CCDC148: variants seen among roughly 807,000 people sequenced by gnomAD.
The protein encoded by CCDC148 is coiled-coil domain-containing protein 148.
In CCDC148, 89 loss-of-function variants were observed where a neutral mutation model predicts 85.7. That is an observed-to-expected ratio of 1.04 (90% CI 0.87 to 1.24). The LOEUF (loss-of-function observed/expected upper bound fraction) is 1.24. Among genes scored for constraint, CCDC148 ranks in the 50% most tolerant of loss-of-function variants. CCDC148 has a pLI of 0.00. For synonymous variants in CCDC148, 230 were observed against 213.9 expected, an observed-to-expected ratio of 1.08 and a Z score of -0.66; for missense variants, 692 against 671.7, an observed-to-expected ratio of 1.03 and a Z score of -0.33.
At chr2:158,201,481 C>G (rs976728281) in intron 11 of CCDC148, among the ~76,000 whole-genome samples, 1 of 151,976 alleles carries the variant, frequency 6.6e-6, no homozygotes, top group Non-Finnish European at 1.5e-5. Flanking sequence ...ATGATCTTGG[C>G]TCACTGCAAC....
chr2:158,363,234 T>C (rs1684046944), intron 1 of CCDC148, among the ~76,000 whole-genome samples: 1 of 152,032 alleles, frequency 6.6e-6, no homozygotes. Context: ...CTATCAGAGG[T>C]ACAAAGAGAT....
chr2:158,198,256 C>T (rs1004520515), intron 11 of CCDC148, among the ~76,000 whole-genome samples: 5 of 152,156 alleles, frequency 3.3e-5, no homozygotes, highest in Non-Finnish European at 2.9e-5. Context: ...TTCCCTTCCC[C>T]AGGATATCTG....
At chr2:158,379,213 G>A (rs1220301612) in intron 1 of CCDC148, among the ~76,000 whole-genome samples, 1 of 152,008 alleles carries the variant, frequency 6.6e-6, no homozygotes, top group Non-Finnish European at 1.5e-5. Flanking sequence ...TAACTTTGAG[G>A]GGTTCAACAA....
chr2:158,245,431 A>C (rs1306147134), intron 10 of CCDC148, among the ~76,000 whole-genome samples: 2 of 152,198 alleles, frequency 1.3e-5, no homozygotes, highest in African/African-American at 4.8e-5. Flanking sequence ...GTATCCTGAT[A>C]TCCTTGAAAA....
At chr2:158,446,569 G>A (rs1478432482) in intron 1 of CCDC148, among the ~76,000 whole-genome samples, 1 of 151,910 alleles carries the variant, frequency 6.6e-6, no homozygotes, top group Non-Finnish European at 1.5e-5. Flanking sequence ...TCATATAAGG[G>A]AGTTTTAAGA....
intron 9 of CCDC148, among the ~76,000 whole-genome samples, chr2:158,275,169 C>T (rs533645427): frequency 3.3e-5 from 5 of 152,310 alleles, no homozygotes; most frequent in Middle Eastern, 6.8e-3. Context: ...GAAATGCCAT[C>T]GCTAAGAATC....
At chr2:158,325,088 G>GAA (rs58238350) in intron 7 of CCDC148, among the ~76,000 whole-genome samples, 246 of 143,096 alleles carry the variant, frequency 1.7e-3, no homozygotes, top group South Asian at 2.4e-3. Flanking sequence ...TCTCCTATTT[G>GAA]AAAAAAAAAA....
rs1208226461 is a variant in CCDC148 at position 158,355,293 on chromosome 2, C to T, written c.147+3156G>A. Among the ~76,000 whole-genome samples, 5 of 152,006 alleles carry T rather than the reference C, an allele frequency of 3.3e-5. No individual in the cohort carries two copies. The South Asian group carries it at 6.2e-4, about 19-fold the overall frequency. On this transcript the variant is annotated intron_variant, in intron 2 of 13. Coordinates refer to ENST00000283233, the MANE Select transcript of CCDC148 (RefSeq NM_138803.4). ...AGGAAAAGAGGAAGTCAAATTGTCC[C>T]TGTTTGCAGACGACATGATTGTTTA...
intron 11 of CCDC148, among the ~76,000 whole-genome samples, chr2:158,210,443 A>C (rs1686502554): frequency 6.6e-6 from 1 of 152,162 alleles, no homozygotes; most frequent in African/African-American, 2.4e-5. Flanking sequence ...ACTTGAACTC[A>C]GCTCTGGATC....
chr2:158,211,996 T>C (rs1686604460), intron 11 of CCDC148, among the ~76,000 whole-genome samples: 1 of 152,248 alleles, frequency 6.6e-6, no homozygotes, highest in Admixed American at 6.5e-5. Flanking sequence ...ATTTGTTTTG[T>C]TATACTGAGA....
chr2:158,454,702 T>G (rs975427552), intron 1 of CCDC148, among the ~76,000 whole-genome samples: 1 of 152,244 alleles, frequency 6.6e-6, no homozygotes, highest in Admixed American at 6.5e-5. Context: ...GGAAAGGAAC[T>G]GAGAATCAGT....
At chr2:158,208,620 A>G (rs1310238854) in intron 11 of CCDC148, among the ~76,000 whole-genome samples, 1 of 152,150 alleles carries the variant, frequency 6.6e-6, no homozygotes, top group Non-Finnish European at 1.5e-5. Context: ...ACAGGGGAGG[A>G]GGCACGCCAT....
chr2:158,315,718 C>A (rs1692248368), intron 7 of CCDC148, among the ~76,000 whole-genome samples: 1 of 151,996 alleles, frequency 6.6e-6, no homozygotes, highest in East Asian at 1.9e-4. Flanking sequence ...TCACAGATGC[C>A]CCTTCCTTCT....
rs187623928 is a variant in CCDC148 at position 158,210,995 on chromosome 2, T to C, written c.1370+9600A>G. On this transcript the variant is annotated intron_variant, in intron 11 of 13. Coordinates refer to ENST00000283233, the MANE Select transcript of CCDC148 (RefSeq NM_138803.4). ...AAAAAAAAGAAACAATGAGAACACA[T>C]GGACACAGGGAGGGGAACATCACAC... Among the ~76,000 whole-genome samples the C allele has an allele frequency of 8.6e-5, 12 of 139,852 alleles. No individual in the cohort carries two copies. In the East Asian group the frequency reaches 1.5e-3, roughly 17 times the overall value. The allele number at this position is 139,852 out of a possible 152,430, so 91.7% of individuals were successfully genotyped here.
intron 1 of CCDC148, among the ~76,000 whole-genome samples, chr2:158,359,551 G>A (rs1013130217): frequency 6.6e-6 from 1 of 152,126 alleles, no homozygotes; most frequent in African/African-American, 2.4e-5. Flanking sequence ...GCAGGGTGGG[G>A]TGTCACCTCA....
intron 9 of CCDC148, among the ~76,000 whole-genome samples, chr2:158,270,065 T>C (rs1314443550): frequency 6.6e-6 from 1 of 152,170 alleles, no homozygotes; most frequent in Non-Finnish European, 1.5e-5. Flanking sequence ...CAAAGTTACA[T>C]GGCTAAACTG....
chr2:158,372,938 A>G (rs1300973243), intron 1 of CCDC148, among the ~76,000 whole-genome samples: 1 of 152,062 alleles, frequency 6.6e-6, no homozygotes, highest in Admixed American at 6.6e-5. Context: ...AGTGCCCCAA[A>G]GATGTCCATG....
chr2:158,178,627 TATAG>T (rs1218344362), intron 12 of CCDC148, among the ~76,000 whole-genome samples: 1 of 152,160 alleles, frequency 6.6e-6, no homozygotes, highest in African/African-American at 2.4e-5. Flanking sequence ...CTCTAGGTGA[TATAG>T]ATATAGTTAA....
intron 9 of CCDC148, among the ~76,000 whole-genome samples, chr2:158,283,022 A>G (rs1690412066): frequency 6.6e-6 from 1 of 152,212 alleles, no homozygotes; most frequent in Non-Finnish European, 1.5e-5. Flanking sequence ...AAAACAAGCA[A>G]TGGGGAAAGG....
Sources: gnomAD v4.1 joint callset for allele counts (sites outside exome capture counted in the v4.1 genomes callset) on GRCh38, gnomAD v4.1.1 for gene constraint, MANE v1.5 for transcripts, NCBI Gene and HGNC (gene_info 2026-07-23, HGNC 2026-07-21) for gene names.